The following KIAA0319 variants were observed in gnomAD, a reference collection of about 807,000 sequenced individuals.
KIAA0319 encodes dyslexia-associated protein KIAA0319.
A neutral mutation model predicts 108.4 loss-of-function variants in KIAA0319; 83 were observed. That is an observed-to-expected ratio of 0.77 (90% CI 0.64 to 0.92). The LOEUF is 0.92. Ranked by LOEUF, KIAA0319 falls within the 40% of genes least tolerant of loss-of-function variation. The probability of loss-of-function intolerance (pLI) is 0.00; values close to 1 mark genes in which losing one functional copy is unlikely to be tolerated. For missense variants in KIAA0319, 1,195 were observed against 1,322.4 expected (o/e 0.90, Z 1.49); for synonymous variants, 484 against 510.4 (o/e 0.95, Z 0.70).
Position 24,599,351 on chromosome 6 carries a change from C to T in KIAA0319, c.55+1698G>A. ...AAGGCTAGAGGGCTTCCCTAGAGGC[C>T]ACCATTGTGGATGCGGAGAAGCGTG... On this transcript the variant is annotated intron_variant, in intron 2 of 20. Coordinates refer to ENST00000378214, the MANE Select transcript of KIAA0319 (RefSeq NM_014809.4). This position sits in a 1 kb window ranked among gnomAD's most constrained non-coding sequence, Gnocchi z 4.1. The T allele has an allele frequency of 3.8e-6, 2 of 522,978 alleles. No individual in the cohort carries two copies. The highest frequency in any genetic ancestry group is 1.7e-5 in the South Asian group (1 of 58,672). The allele number at this position is 522,978 out of a possible 1,614,324, so 32.4% of individuals were successfully genotyped here.
intron 1 of KIAA0319, among the ~76,000 whole-genome samples, chr6:24,636,479 A>T (rs1234623756): frequency 6.6e-6 from 1 of 152,262 alleles, no homozygotes; most frequent in African/African-American, 2.4e-5. Flanking sequence ...AGTTTGAGGC[A>T]CTAAGAAGAA....
chr6:24,576,273 A>G, intron 10 of KIAA0319, 95 bp downstream of exon 10: 2 of 920,498 alleles, frequency 2.2e-6, no homozygotes, highest in Non-Finnish European at 3.4e-6. Flanking sequence ...AAAATAAATT[A>G]TCTAAATTTA....
At chr6:24,570,318 A>G (rs982205797) in intron 11 of KIAA0319, among the ~76,000 whole-genome samples, 5 of 152,192 alleles carry the variant, frequency 3.3e-5, no homozygotes, top group Admixed American at 6.5e-5. Flanking sequence ...GGCCGGGCAC[A>G]GTGGCTCACG....
chr6:24,596,962 T>A (rs894421949), intron 2 of KIAA0319, among the ~76,000 whole-genome samples: 1 of 151,970 alleles, frequency 6.6e-6, no homozygotes, highest in South Asian at 2.1e-4. Flanking sequence ...CATCCATCCA[T>A]CCATCCATCC....
At chr6:24,627,597 C>A (rs1309016991) in intron 1 of KIAA0319, among the ~76,000 whole-genome samples, 2 of 152,116 alleles carry the variant, frequency 1.3e-5, no homozygotes, top group Non-Finnish European at 2.9e-5. Context: ...GAATTCACAG[C>A]AAGGGCCTAC....
intron 1 of KIAA0319, among the ~76,000 whole-genome samples, chr6:24,608,613 C>T (rs1481910583): frequency 6.6e-6 from 1 of 152,046 alleles, no homozygotes; most frequent in Non-Finnish European, 1.5e-5. Flanking sequence ...CCAAATACTT[C>T]CAAGACCAAA....
rs807534 is a variant in KIAA0319, at chr6:24,551,436, T to C, written c.3038A>G (p.Tyr1013Cys). Reference sequence around the variant, plus strand: ...AGTCATTCTGCAGACTGTCTTACCATATTTGGGCCTCAGTTCCATTCTTTC... The same window carrying C: ...AGTCATTCTGCAGACTGTCTTACCACATTTGGGCCTCAGTTCCATTCTTTC... Reference protein sequence around the residue: ...EQERMELRPKYGIKHRSTEHN... With the variant: ...EQERMELRPKCGIKHRSTEHN... The change falls in exon 20 of 21, where the codon TAT (tyrosine) becomes TGT (cysteine). Residue 1013 changes from tyrosine to cysteine, a missense_variant and splice_region_variant. By Grantham distance (194) the Tyr-to-Cys change is radical. Coordinates refer to ENST00000378214, the MANE Select transcript of KIAA0319 (RefSeq NM_014809.4). 208,011 of 1,593,340 alleles carry C rather than the reference T, an allele frequency of 0.13. 14,484 individuals are homozygous for C. The highest frequency in any genetic ancestry group is 0.14 in the Non-Finnish European group (163,660 of 1,160,912).
At position 24,582,261 on chromosome 6, in the gene KIAA0319, A is replaced by G; in HGVS notation, c.1179T>C (p.Leu393=). ...GEIKQGHKQT[L]NLSQLSVGLY... ...TCCAGTTACTTACTTGAGAGAGGTT[A>G]AGAGTTTGCTTGTGTCCTTGTTTTA... Residue 393 remains leucine, a synonymous_variant, in exon 6 of 21, where the codon CTT becomes CTC. Coordinates refer to ENST00000378214, the MANE Select transcript of KIAA0319 (RefSeq NM_014809.4). 6.3e-7 allele frequency: 1 copy of G among 1,590,250 alleles called. No individual in the cohort carries two copies. The highest frequency in any genetic ancestry group is 8.6e-7 in the Non-Finnish European group (1 of 1,158,418).
At chr6:24,616,125 T>C (rs1016020996) in intron 1 of KIAA0319, among the ~76,000 whole-genome samples, 1 of 152,348 alleles carries the variant, frequency 6.6e-6, no homozygotes. Context: ...CTGTTGTATG[T>C]TGTTTTAATA....
chr6:24,605,392 T>C (rs1771258806), intron 1 of KIAA0319, among the ~76,000 whole-genome samples: 1 of 152,166 alleles, frequency 6.6e-6, no homozygotes, highest in African/African-American at 2.4e-5. Flanking sequence ...ACTTAAGACT[T>C]TCCTTACTTA....
At position 24,595,963 on chromosome 6, in the gene KIAA0319, G is replaced by C; in HGVS notation, c.711C>G (p.Pro237=). 6.2e-7 allele frequency: 1 copy of C among 1,614,174 alleles called. No individual in the cohort carries two copies. The highest frequency in any genetic ancestry group is 1.7e-5 in the Admixed American group (1 of 60,016). Residue 237 remains proline, a synonymous_variant, in exon 3 of 21, where the codon CCC becomes CCG. Coordinates refer to ENST00000378214, the MANE Select transcript of KIAA0319 (RefSeq NM_014809.4). ...PKLPERSVLL[P]LPTTPSSGEV... is the part of the protein sequence containing the mutation. ...CTCCTGAAGATGGAGTAGTCGGCAA[G>C]GGAAGCAACACACTTCTCTCAGGGA...
At chr6:24,586,662 C>G (rs1378514667) in intron 4 of KIAA0319, among the ~76,000 whole-genome samples, 2 of 152,220 alleles carry the variant, frequency 1.3e-5, no homozygotes, top group African/African-American at 2.4e-5. Flanking sequence ...TATAATAAAC[C>G]TCTCTGAGAT....
Position 24,556,603 on chromosome 6 carries a change from T to A in KIAA0319, c.2857+4A>T. ...CCCAAAGCCTCCTCTATACCAGAAC[T>A]CACCACAGTTGCTCTCTCCATCCCA... On this transcript the variant is annotated splice_donor_region_variant and intron_variant, in intron 18 of 20. Transcript: ENST00000378214. 1.2e-6 allele frequency: 2 copies of A among 1,613,600 alleles called. No homozygotes were observed. Among genetic ancestry groups the A allele is most frequent in the Non-Finnish European group, 1.7e-6 (2 of 1,179,758 alleles).
intron 3 of KIAA0319, among the ~76,000 whole-genome samples, chr6:24,591,982 A>C (rs2042238587): frequency 6.6e-6 from 1 of 152,202 alleles, no homozygotes; most frequent in Admixed American, 6.5e-5. Flanking sequence ...TATTTATTCC[A>C]TCAAGAAAGC....
chr6:24,582,659 T>TAA (rs3840134), intron 5 of KIAA0319, among the ~76,000 whole-genome samples: 76 of 144,058 alleles, frequency 5.3e-4, no homozygotes, highest in South Asian at 1.5e-3. Flanking sequence ...TGTATAAAGT[T>TAA]AAAAAAAAAA....
intron 18 of KIAA0319, among the ~76,000 whole-genome samples, chr6:24,555,967 A>T (rs1762228700): frequency 6.6e-6 from 1 of 152,148 alleles, no homozygotes; most frequent in South Asian, 2.1e-4. Flanking sequence ...TGCCAAAGGG[A>T]ATTTTCTCAT....
chr6:24,579,538 T>C (rs938850193), intron 8 of KIAA0319, among the ~76,000 whole-genome samples: 4 of 145,836 alleles, frequency 2.7e-5, no homozygotes, highest in South Asian at 4.2e-4. Context: ...TATATATACA[T>C]ATATATATAC....
chr6:24,542,958 C>T (rs1417350182), downstream of KIAA0319, among the ~76,000 whole-genome samples: 3 of 152,208 alleles, frequency 2.0e-5, no homozygotes, highest in Non-Finnish European at 4.4e-5. Context: ...AGTTTCAATC[C>T]TTCATTTACA....
intron 1 of KIAA0319, among the ~76,000 whole-genome samples, chr6:24,603,200 C>T (rs775630129): frequency 6.6e-6 from 1 of 152,048 alleles, no homozygotes; most frequent in Non-Finnish European, 1.5e-5. Context: ...TTTATTTTTG[C>T]CTGGTACTTT....
Sources: allele counts gnomAD v4.1 joint callset (sites outside exome capture counted in the v4.1 genomes callset), GRCh38; gene constraint gnomAD v4.1.1; non-coding constraint Gnocchi (gnomAD v3.1); transcripts MANE v1.5; gene names NCBI Gene and HGNC (gene_info 2026-07-23, HGNC 2026-07-21).